The following SPIDR variants were observed in gnomAD, a reference collection of about 807,000 sequenced individuals.
The protein encoded by SPIDR is scaffold protein involved in DNA repair, also known as DNA repair-scaffolding protein.
A neutral mutation model predicts 104.6 loss-of-function variants in SPIDR; 93 were observed. The ratio of observed to expected loss-of-function variants is 0.89; its 90% CI spans 0.75 to 1.06. The LOEUF (loss-of-function observed/expected upper bound fraction) is 1.06, where lower values mean the gene tolerates loss of function less well. Ranked by LOEUF, SPIDR falls within the 50% of genes least tolerant of loss-of-function variation. The pLI, the probability that SPIDR is intolerant of heterozygous loss-of-function variation, is 0.00. For missense variants in SPIDR, 1,154 were observed against 1,111.2 expected (o/e 1.04, Z -0.55); for synonymous variants, 431 against 416.9 (o/e 1.03, Z -0.41).
At position 47,718,505 on chromosome 8, in the gene SPIDR, CTT is replaced by C. The variant is rs372270226; in HGVS notation, c.2341+4874_2341+4875del. Among the ~76,000 whole-genome samples the C allele has an allele frequency of 3.5e-5, 5 of 143,242 alleles. No homozygotes were observed. The East Asian group carries it at 6.1e-4, about 17-fold the overall frequency. 94.0% of individuals were successfully genotyped at this position (143,242 alleles called of 152,430 possible). ...ATGCTTAAACTACTTATCTTTGGCTCTTTTTTTTTTTCATTTTTCTGTACCTC... is the reference window on the plus strand; with the variant it reads ...ATGCTTAAACTACTTATCTTTGGCTCTTTTTTTTTCATTTTTCTGTACCTC... On this transcript the variant is annotated intron_variant, in intron 16 of 19. Coordinates refer to ENST00000297423, the MANE Select transcript of SPIDR (RefSeq NM_001080394.4).
chr8:47,666,290 A>G (rs541573749), intron 10 of SPIDR, among the ~76,000 whole-genome samples: 94 of 152,338 alleles, frequency 6.2e-4, no homozygotes, highest in African/African-American at 2.1e-3. Context: ...ATTAGACAAC[A>G]TAGACATAGA....
At chr8:47,660,861 G>A (rs2074000194) in intron 10 of SPIDR, 1 of 724,328 alleles carries the variant, frequency 1.4e-6, no homozygotes, top group Non-Finnish European at 1.7e-6. Flanking sequence ...TAATGAGAGG[G>A]AACCCTATTT....
chr8:47,687,322 CG>C (rs2077954551), intron 11 of SPIDR, among the ~76,000 whole-genome samples: 1 of 152,148 alleles, frequency 6.6e-6, no homozygotes, highest in Non-Finnish European at 1.5e-5. Flanking sequence ...ATATTTACCC[CG>C]GTAAGTAATC....
At chr8:47,669,209 CAAGT>C (rs972248487) in intron 10 of SPIDR, among the ~76,000 whole-genome samples, 3 of 152,140 alleles carry the variant, frequency 2.0e-5, no homozygotes, top group East Asian at 1.9e-4. Flanking sequence ...TCAGGAAAAA[CAAGT>C]AAGTCATGGG....
At chr8:47,271,880 C>T (rs2035397884) in intron 1 of SPIDR, among the ~76,000 whole-genome samples, 1 of 152,114 alleles carries the variant, frequency 6.6e-6, no homozygotes, top group African/African-American at 2.4e-5. Flanking sequence ...CTCCACCTCC[C>T]GGGTTCAAGC....
intron 8 of SPIDR, among the ~76,000 whole-genome samples, chr8:47,469,915 A>G (rs1035316642): frequency 5.9e-5 from 9 of 152,240 alleles, no homozygotes; most frequent in African/African-American, 9.6e-5. Flanking sequence ...TAAGGAAGAC[A>G]TAAATAAATA....
chr8:47,508,563 G>A (rs568712389), intron 8 of SPIDR, among the ~76,000 whole-genome samples: 8 of 152,312 alleles, frequency 5.3e-5, no homozygotes, highest in South Asian at 4.1e-4. Context: ...AAAAGATGCC[G>A]TGTTGCTTTC....
chr8:47,396,936 G>A (rs1389171296), intron 6 of SPIDR, among the ~76,000 whole-genome samples: 3 of 152,284 alleles, frequency 2.0e-5, no homozygotes, highest in African/African-American at 7.2e-5. Flanking sequence ...ATGGAAGTAT[G>A]TGTAAATCGT....
chr8:47,286,777 G>C (rs2038929024), intron 3 of SPIDR, among the ~76,000 whole-genome samples: 1 of 152,102 alleles, frequency 6.6e-6, no homozygotes, highest in African/African-American at 2.4e-5. Flanking sequence ...AAATATAAAT[G>C]ATTTTCAAAC....
intron 8 of SPIDR, chr8:47,592,328 C>A: frequency 8.6e-7 from 1 of 1,168,240 alleles, no homozygotes; most frequent in Non-Finnish European, 1.3e-6. Flanking sequence ...GACCAGTTAC[C>A]TTTCAAAATA....
chr8:47,727,252 CAT>C lies in SPIDR; in HGVS notation c.2395_2396del (p.Met799ValfsTer67), dbSNP rs529974657. Reference sequence around the variant, plus strand: ...CTGCTTTCTCATGGCCTGTGTGTGACATGTGTGGCAACGGGAGATTGGAACAG... The same window carrying C: ...CTGCTTTCTCATGGCCTGTGTGTGACGTGTGGCAACGGGAGATTGGAACAG... The part of the protein sequence containing the change: ...STAFSWPVCD[M>X]CGNGRLEQRP... On this transcript the variant is annotated frameshift_variant, in exon 17 of 20. Transcript: ENST00000297423. LOFTEE classifies it high-confidence loss of function. 116 of 1,614,086 alleles carry C rather than the reference CAT, an allele frequency of 7.2e-5. No homozygotes were observed. The highest frequency in any genetic ancestry group is 8.8e-5 in the South Asian group (8 of 91,074).
chr8:47,486,519 G>A (rs932321740), intron 8 of SPIDR, among the ~76,000 whole-genome samples: 4 of 152,088 alleles, frequency 2.6e-5, no homozygotes, highest in Non-Finnish European at 5.9e-5. Context: ...GATACTCCTC[G>A]AGAAGAGCAA....
chr8:47,480,443 G>A (rs915167465), intron 8 of SPIDR, among the ~76,000 whole-genome samples: 1 of 152,188 alleles, frequency 6.6e-6, no homozygotes, highest in Admixed American at 6.5e-5. Flanking sequence ...GAAAGTAATA[G>A]CATGTACTAT....
At chr8:47,441,184 T>A (rs187167490) in intron 8 of SPIDR, among the ~76,000 whole-genome samples, 113 of 152,306 alleles carry the variant, frequency 7.4e-4, no homozygotes, top group Middle Eastern at 3.4e-3. Context: ...AGGATAAATT[T>A]TTATAAATAT....
chr8:47,379,177 A>G (rs1554644095), intron 5 of SPIDR, among the ~76,000 whole-genome samples: 1 of 152,208 alleles, frequency 6.6e-6, no homozygotes, highest in African/African-American at 2.4e-5. Flanking sequence ...GCACTACCTC[A>G]GAGTCCAAAA....
chr8:47,669,739 C>T (rs1027978743), intron 10 of SPIDR, among the ~76,000 whole-genome samples: 1 of 152,298 alleles, frequency 6.6e-6, no homozygotes, highest in African/African-American at 2.4e-5. Context: ...CAGTGACTCA[C>T]GCCTGTAATC....
chr8:47,395,344 A>G (rs1193879077), intron 5 of SPIDR, among the ~76,000 whole-genome samples: 1 of 152,276 alleles, frequency 6.6e-6, no homozygotes, highest in Admixed American at 6.5e-5. Flanking sequence ...GTGAGACTCC[A>G]TCTCAAAGAA....
At chr8:47,533,920 A>G (rs1369285154) in intron 8 of SPIDR, among the ~76,000 whole-genome samples, 3 of 152,136 alleles carry the variant, frequency 2.0e-5, no homozygotes, top group Non-Finnish European at 2.9e-5. Flanking sequence ...TTACTGGGTG[A>G]TAAGGTTTGG....
intron 8 of SPIDR, among the ~76,000 whole-genome samples, chr8:47,448,788 G>T (rs1255272922): frequency 6.6e-6 from 1 of 152,120 alleles, no homozygotes. Context: ...GAAAGAAGCA[G>T]GGGAGGGACT....
Sources: allele counts gnomAD v4.1 joint callset (sites outside exome capture counted in the v4.1 genomes callset), GRCh38; gene constraint gnomAD v4.1.1; transcripts MANE v1.5; gene names NCBI Gene and HGNC (gene_info 2026-07-23, HGNC 2026-07-21).